Variants in MEMO1 observed in about 807,000 individuals in gnomAD.
The protein encoded by MEMO1 is mediator of cell motility 1.
A neutral mutation model predicts 45.2 loss-of-function variants in MEMO1; 6 were observed. The ratio of observed to expected loss-of-function variants is 0.13; its 90% CI spans 0.07 to 0.26. The LOEUF (loss-of-function observed/expected upper bound fraction) is 0.26. MEMO1 is among the 10% of genes least tolerant of loss of function. The pLI, the probability that MEMO1 is intolerant of heterozygous loss-of-function variation, is 1.00. For missense variants in MEMO1, 184 were observed against 370.5 expected, an observed-to-expected ratio of 0.50 and a Z score of 4.13; for synonymous variants, 78 against 124.3, an observed-to-expected ratio of 0.63 and a Z score of 2.48.
chr2:31,925,455 GA>G (rs1682942961), intron 4 of MEMO1, among the ~76,000 whole-genome samples: 1 of 119,122 alleles, frequency 8.4e-6, no homozygotes, highest in Non-Finnish European at 1.6e-5. Flanking sequence ...CAGCCTGGGG[GA>G]CAGAGCAAGA....
At chr2:31,983,471 T>C (rs1197462697) in intron 2 of MEMO1, among the ~76,000 whole-genome samples, 1 of 152,174 alleles carries the variant, frequency 6.6e-6, no homozygotes, top group Non-Finnish European at 1.5e-5. Context: ...TTCGCTCTTG[T>C]TGCCCAGGCC....
rs143207516 is a variant in MEMO1, at chr2:31,949,492, G to C, written c.62-6109C>G. ...TCATTATGTTAAGTGAAATAAGCCAGGCACCAGAAAGACAAACAATGCATG... is the reference window on the plus strand; with the variant it reads ...TCATTATGTTAAGTGAAATAAGCCACGCACCAGAAAGACAAACAATGCATG... On this transcript the variant is annotated intron_variant, in intron 2 of 9. Transcript: ENST00000404530. 5.0e-3 allele frequency among the ~76,000 whole-genome samples: 761 copies of C among 152,012 alleles called. 6 individuals carry two copies. The highest frequency in any genetic ancestry group is 0.036 in the South Asian group (172 of 4,814).
intron 7 of MEMO1, among the ~76,000 whole-genome samples, chr2:31,888,526 G>C (rs1572576180): frequency 6.6e-6 from 1 of 151,882 alleles, no homozygotes; most frequent in East Asian, 1.9e-4. Context: ...AATTAAAATA[G>C]GTCCAGACAA....
At chr2:31,885,160 C>G (rs1319791629) in intron 7 of MEMO1, among the ~76,000 whole-genome samples, 1 of 151,938 alleles carries the variant, frequency 6.6e-6, no homozygotes, top group African/African-American at 2.4e-5. Context: ...CACCCTGTTG[C>G]CCAGGCTAGA....
intron 2 of MEMO1, among the ~76,000 whole-genome samples, chr2:31,992,094 C>G (rs1003951940): frequency 4.6e-5 from 7 of 152,134 alleles, no homozygotes; most frequent in African/African-American, 1.7e-4. Flanking sequence ...TAAATTATTT[C>G]TGTCACTTTT....
chr2:31,949,375 GATGA>G (rs1364767497), intron 2 of MEMO1, among the ~76,000 whole-genome samples: 1 of 152,140 alleles, frequency 6.6e-6, no homozygotes, highest in Non-Finnish European at 1.5e-5. Flanking sequence ...TCCATCAACA[GATGA>G]ATGGATAAAG....
chr2:31,907,858 T>C (rs1217482524), intron 6 of MEMO1, among the ~76,000 whole-genome samples: 2 of 150,828 alleles, frequency 1.3e-5, no homozygotes, highest in Middle Eastern at 6.8e-3. Flanking sequence ...ACAGAAAAGA[T>C]GAAAAATTAC....
chr2:31,945,007 C>A (rs1300621759), intron 2 of MEMO1, among the ~76,000 whole-genome samples: 3 of 152,128 alleles, frequency 2.0e-5, no homozygotes, highest in African/African-American at 7.2e-5. Context: ...CTTTGTACAT[C>A]TCCCTCCTTA....
At chr2:31,980,316 C>T (rs181507522) in intron 2 of MEMO1, among the ~76,000 whole-genome samples, 1 of 152,184 alleles carries the variant, frequency 6.6e-6, no homozygotes, top group Admixed American at 6.5e-5. Flanking sequence ...ACCTGCATTC[C>T]CAGCTACTTG....
At chr2:31,905,003 G>A (rs900544055) in intron 6 of MEMO1, among the ~76,000 whole-genome samples, 1 of 152,216 alleles carries the variant, frequency 6.6e-6, no homozygotes, top group Non-Finnish European at 1.5e-5. Flanking sequence ...GGAGGCCAAG[G>A]TGGGCAGATT....
chr2:31,894,698 C>T (rs573072289), intron 6 of MEMO1, among the ~76,000 whole-genome samples: 30 of 152,148 alleles, frequency 2.0e-4, no homozygotes, highest in South Asian at 4.1e-4. Flanking sequence ...TCTCCACACA[C>T]GCCTGGCTAA....
intron 3 of MEMO1, among the ~76,000 whole-genome samples, chr2:31,940,544 T>C (rs1665488425): frequency 6.6e-6 from 1 of 152,142 alleles, no homozygotes; most frequent in Non-Finnish European, 1.5e-5. Context: ...AACCATGTCT[T>C]AAAAATATAT....
Position 31,918,952 on chromosome 2 carries a change from C to G in MEMO1, c.326-915G>C, listed in dbSNP as rs1344398882. ...CAAGGTTTTAAAAGTAAAATGTGTT[C>G]CCTAAAACCCTCTCAGGAAGTAAGG... is the stretch of plus-strand genomic sequence containing the variant. On this transcript the variant is annotated intron_variant, in intron 5 of 9. Coordinates refer to ENST00000404530, the MANE Select transcript of MEMO1 (RefSeq NM_001301833.4). Among the ~76,000 whole-genome samples, 3 of 151,888 alleles carry G rather than the reference C, an allele frequency of 2.0e-5. No homozygotes were observed. The East Asian group carries it at 5.8e-4, about 29-fold the overall frequency.
chr2:31,923,205 A>T (rs1682587134), intron 4 of MEMO1, among the ~76,000 whole-genome samples: 1 of 152,140 alleles, frequency 6.6e-6, no homozygotes, highest in South Asian at 2.1e-4. Context: ...TTTGATTTGC[A>T]TCTCTCTAGT....
chr2:31,925,904 A>T (rs968636421), intron 4 of MEMO1, among the ~76,000 whole-genome samples: 6 of 152,316 alleles, frequency 3.9e-5, no homozygotes, highest in African/African-American at 1.2e-4. Flanking sequence ...TGTGGTGATA[A>T]AACATTTCTG....
At chr2:31,895,936 G>A (rs1052564644) in intron 6 of MEMO1, among the ~76,000 whole-genome samples, 4 of 137,194 alleles carry the variant, frequency 2.9e-5, no homozygotes, top group South Asian at 2.4e-4. Context: ...TCCGCCCCCC[G>A]GGGTTCACAC....
At chr2:31,947,264 A>G (rs975966651) in intron 2 of MEMO1, among the ~76,000 whole-genome samples, 2 of 152,226 alleles carry the variant, frequency 1.3e-5, no homozygotes, top group African/African-American at 4.8e-5. Flanking sequence ...AAGCTTTCAT[A>G]TGGCTACTTC....
At chr2:31,972,220 C>A (rs1426275577) in intron 2 of MEMO1, among the ~76,000 whole-genome samples, 1 of 152,212 alleles carries the variant, frequency 6.6e-6, no homozygotes, top group East Asian at 1.9e-4. Context: ...TACAGAAAAT[C>A]CAGTACAAAG....
chr2:31,911,899 C>T (rs1239211999), intron 6 of MEMO1, among the ~76,000 whole-genome samples: 8 of 152,068 alleles, frequency 5.3e-5, no homozygotes, highest in Non-Finnish European at 1.0e-4. Flanking sequence ...CCTTAGCCTC[C>T]CAAAGTGCTG....
Sources: allele counts gnomAD v4.1 joint callset (sites outside exome capture counted in the v4.1 genomes callset), GRCh38; gene constraint gnomAD v4.1.1; transcripts MANE v1.5; gene names NCBI Gene and HGNC (gene_info 2026-07-23, HGNC 2026-07-21).